DNAH6: variants seen among roughly 807,000 people sequenced by gnomAD.
DNAH6 encodes dynein axonemal heavy chain 6.
Under a neutral mutation model 491.4 loss-of-function variants are expected in DNAH6, and 340 were observed. That is an observed-to-expected ratio of 0.69 (90% CI 0.63 to 0.76). The LOEUF is 0.76. DNAH6 is among the 30% of genes least tolerant of loss of function. The pLI, the probability that DNAH6 is intolerant of heterozygous loss-of-function variation, is 0.00. For missense variants in DNAH6, 4,443 were observed against 4,972.2 expected (o/e 0.89, Z 3.20); for synonymous variants, 1,603 against 1,686.1 (o/e 0.95, Z 1.21).
intron 54 of DNAH6, 33 bp downstream of exon 54, chr2:84,707,749 A>G: frequency 2.6e-6 from 4 of 1,525,188 alleles, no homozygotes; most frequent in Non-Finnish European, 3.6e-6. Flanking sequence ...AGGAGGGGTA[A>G]GAAGCAGCTG....
intron 57 of DNAH6, among the ~76,000 whole-genome samples, chr2:84,713,705 G>A (rs935275440): frequency 3.3e-5 from 5 of 152,206 alleles, no homozygotes; most frequent in African/African-American, 1.2e-4. Flanking sequence ...CTGGGGTTGG[G>A]GGGAGGAGGA....
intron 25 of DNAH6, 33 bp downstream of exon 25, chr2:84,621,388 T>A: frequency 6.5e-7 from 1 of 1,547,752 alleles, no homozygotes. Context: ...ATCCCTGAAT[T>A]CTTATTTGGT....
chr2:84,635,661 C>T (rs1318958844), intron 30 of DNAH6, among the ~76,000 whole-genome samples: 1 of 152,140 alleles, frequency 6.6e-6, no homozygotes, highest in Non-Finnish European at 1.5e-5. Flanking sequence ...TACATGAGGA[C>T]AGAGGAGACA....
At chr2:84,463,715 G>A in the DNAH6 span, among the ~76,000 whole-genome samples, 1 of 152,180 alleles carries the variant, frequency 6.6e-6, no homozygotes, top group East Asian at 1.9e-4. Context: ...AGCAGCTCCA[G>A]GGGGTATCTT....
intron 2 of DNAH6, among the ~76,000 whole-genome samples, chr2:84,519,115 C>T (rs550209113): frequency 2.4e-4 from 37 of 152,038 alleles, no homozygotes; most frequent in Non-Finnish European, 2.5e-4. Flanking sequence ...GATTGGGTGA[C>T]TAGAAAGGTC....
intron 62 of DNAH6, among the ~76,000 whole-genome samples, chr2:84,742,960 G>A (rs1364112123): frequency 2.6e-5 from 4 of 152,142 alleles, no homozygotes; most frequent in African/African-American, 9.7e-5. Flanking sequence ...TTCAATAAAT[G>A]CATTAACTTA....
At chr2:84,470,108 C>T in the DNAH6 span, among the ~76,000 whole-genome samples, 1 of 152,132 alleles carries the variant, frequency 6.6e-6, no homozygotes, top group Non-Finnish European at 1.5e-5. Context: ...AGATGATTTT[C>T]CTATGAGTCG....
At chr2:84,735,106 T>C (rs765058749) in intron 62 of DNAH6, among the ~76,000 whole-genome samples, 1 of 152,186 alleles carries the variant, frequency 6.6e-6, no homozygotes, top group Non-Finnish European at 1.5e-5. Context: ...TATGTCTGTG[T>C]GTACCCAATG....
chr2:84,626,671 C>T (rs979945107), intron 29 of DNAH6, among the ~76,000 whole-genome samples: 4 of 152,144 alleles, frequency 2.6e-5, no homozygotes, highest in Non-Finnish European at 4.4e-5. Flanking sequence ...GGCTCAATCT[C>T]GGCTCACTGC....
At chr2:84,801,879 GAAAA>G (rs755464606) in intron 70 of DNAH6, among the ~76,000 whole-genome samples, 1 of 124,096 alleles carries the variant, frequency 8.1e-6, no homozygotes, top group African/African-American at 3.0e-5. Flanking sequence ...GTGAGGCTCT[GAAAA>G]AAAAAAAAAG....
chr2:84,703,300 A>T, intron 49 of DNAH6, 95 bp from the exon 50 acceptor site: 1 of 870,588 alleles, frequency 1.1e-6, no homozygotes, highest in Non-Finnish European at 1.7e-6. Context: ...AATTCTGTAG[A>T]CGTAAAAGTC....
chr2:84,487,279 A>G, the DNAH6 span, among the ~76,000 whole-genome samples: 1 of 152,234 alleles, frequency 6.6e-6, no homozygotes, highest in East Asian at 1.9e-4. Context: ...TCGAGGATCC[A>G]ATGTGCATTG....
the DNAH6 span, among the ~76,000 whole-genome samples, chr2:84,510,284 T>C: frequency 6.6e-6 from 1 of 152,206 alleles, no homozygotes; most frequent in African/African-American, 2.4e-5. Flanking sequence ...CTTTTTATTC[T>C]TTTTTCTCTA....
the DNAH6 span, among the ~76,000 whole-genome samples, chr2:84,492,679 C>T: frequency 1.3e-5 from 2 of 152,112 alleles, no homozygotes; most frequent in Non-Finnish European, 2.9e-5. Flanking sequence ...ATTGCTCTTA[C>T]ATCTATGGGA....
intron 35 of DNAH6, 150 bp from the exon 36 acceptor site, chr2:84,658,142 A>T (rs2104587682): frequency 2.1e-6 from 1 of 476,060 alleles, no homozygotes; most frequent in East Asian, 3.6e-5. Flanking sequence ...TTTCCTTAAA[A>T]TTTAATTTGT....
the DNAH6 span, among the ~76,000 whole-genome samples, chr2:84,461,889 G>A: frequency 6.6e-6 from 1 of 152,154 alleles, no homozygotes; most frequent in Non-Finnish European, 1.5e-5. Flanking sequence ...GATAGGAAGT[G>A]GCCAAACTTG....
chr2:84,681,757 A>G (rs181443989), intron 42 of DNAH6, among the ~76,000 whole-genome samples: 2 of 151,674 alleles, frequency 1.3e-5, no homozygotes, highest in East Asian at 3.9e-4. Context: ...AAAAAAAAAA[A>G]TAGAAGCAGT....
At chr2:84,796,561 G>T in intron 69 of DNAH6, 136 bp downstream of exon 69, 1 of 600,332 alleles carries the variant, frequency 1.7e-6, no homozygotes, top group Non-Finnish European at 2.7e-6. Context: ...CCCATGCTTG[G>T]CCACCTTCAG....
chr2:84,708,621 G>A (rs890940355), intron 54 of DNAH6, among the ~76,000 whole-genome samples: 1 of 150,742 alleles, frequency 6.6e-6, no homozygotes, highest in African/African-American at 2.4e-5. Context: ...GAAAGAGAGG[G>A]AGATAGAGGA....
Sources: gnomAD v4.1 joint callset for allele counts (sites outside exome capture counted in the v4.1 genomes callset) on GRCh38, gnomAD v4.1.1 for gene constraint, MANE v1.5 for transcripts, NCBI Gene and HGNC (gene_info 2026-07-23, HGNC 2026-07-21) for gene names.